SHOX: variants seen among roughly 807,000 people sequenced by gnomAD.
SHOX encodes short stature homeobox protein.
SHOX carries 12 observed loss-of-function variants against 29.6 expected under a neutral mutation model. The observed-to-expected ratio is 0.41, with a 90% CI of 0.26 to 0.66. The LOEUF is 0.66. Ranked by LOEUF, SHOX falls within the 30% of genes least tolerant of loss-of-function variation. The pLI is 0.35. For synonymous variants in SHOX, 214 were observed against 200.6 expected, an observed-to-expected ratio of 1.07 and a Z score of -0.57; for missense variants, 499 against 437.7, an observed-to-expected ratio of 1.14 and a Z score of -1.25.
chrX:636,723 T>TATAA lies in SHOX; in HGVS notation c.486+1898_486+1899insTAAA, dbSNP rs767545020. ...ATATATATATAAACATATATATACA[T>TATAA]AAAATATATATATAAACATATATAT... On this transcript the variant is annotated intron_variant, in intron 2 of 4. Transcript: ENST00000686671. Among the ~76,000 whole-genome samples, 41 of 9,852 alleles carry TATAA rather than the reference T, an allele frequency of 4.2e-3. 17 individuals are homozygous for TATAA. The highest frequency in any genetic ancestry group is 0.011 in the African/African-American group (41 of 3,652). The allele number at this position is 9,852 out of a possible 152,430, so 6.5% of individuals were successfully genotyped here.
upstream of SHOX, among the ~76,000 whole-genome samples, chrX:627,375 G>A (rs1366736672): frequency 1.3e-5 from 2 of 152,152 alleles, no homozygotes; most frequent in Non-Finnish European, 2.9e-5. Flanking sequence ...TAAAGGGAAG[G>A]GCAGGGAGAG....
chrX:644,451 C>G lies in SHOX; in HGVS notation c.694C>G (p.Leu232Val). ...AHAHPHLHPH[L>V]AAHAPYLMFP... Reference sequence around the variant, plus strand: ...CGCGCACCCGCACCTGCACCCGCACCTGGCGGCGCACGCGCCCTACCTGAT... The same window carrying G: ...CGCGCACCCGCACCTGCACCCGCACGTGGCGGCGCACGCGCCCTACCTGAT... Residue 232 changes from leucine to valine, a missense_variant, in exon 5 of 5, where the codon CTG becomes GTG. Leu to Val is a conservative substitution (Grantham distance 32, BLOSUM62 1). Transcript: ENST00000686671. 1.3e-6 allele frequency: 2 copies of G among 1,522,842 alleles called. No homozygotes were observed. Among genetic ancestry groups the G allele is most frequent in the Non-Finnish European group, 1.8e-6 (2 of 1,142,658 alleles). The allele number at this position is 1,522,842 out of a possible 1,614,324, so 94.3% of individuals were successfully genotyped here.
chrX:651,271 T>TA lies in SHOX; in HGVS notation c.*6636dup. ...GCGGCCCCCGCGTCCGGGTTACAAA[T>TA]ACATCTACAGATATTTTCAGGGATT... On this transcript the variant is annotated 3_prime_UTR_variant, in exon 5 of 5. Transcript: ENST00000686671. 2.2e-6 allele frequency: 1 copy of TA among 455,700 alleles called. No homozygotes were observed. Among genetic ancestry groups the TA allele is most frequent in the South Asian group, 1.6e-5 (1 of 64,442 alleles). The allele number at this position is 455,700 out of a possible 1,614,324, so 28.2% of individuals were successfully genotyped here. A position where few individuals can be genotyped will look rare whatever the true frequency, so the allele number is the denominator to read the frequency against.
At chrX:628,512 C>A (rs1177705079), upstream of SHOX, among the ~76,000 whole-genome samples, 1 of 88,894 alleles carries the variant, frequency 1.1e-5, no homozygotes, top group Non-Finnish European at 2.3e-5. Context: ...TCTGTCTCTC[C>A]CTGTCTGTTT....
chrX:642,533 C>G (rs539868450), intron 4 of SHOX, among the ~76,000 whole-genome samples: 2 of 152,200 alleles, frequency 1.3e-5, no homozygotes, highest in East Asian at 3.9e-4. Flanking sequence ...GGCCCAGGCC[C>G]GAAGGAGAGG....
At chrX:641,649 C>T (rs1425573064) in intron 4 of SHOX, among the ~76,000 whole-genome samples, 1 of 149,406 alleles carries the variant, frequency 6.7e-6, no homozygotes, top group African/African-American at 2.5e-5. Context: ...CACTGCACTC[C>T]ACTCTGGGTG....
chrX:630,595 C>A (rs1421336587), upstream of SHOX: 5 of 541,158 alleles, frequency 9.2e-6, no homozygotes, highest in Admixed American at 9.7e-5. Flanking sequence ...TCCCCCTTCG[C>A]ACCAAGGTGT....
chrX:629,860 TG>T (rs2052616472), upstream of SHOX, among the ~76,000 whole-genome samples: 1 of 152,188 alleles, frequency 6.6e-6, no homozygotes, highest in African/African-American at 2.4e-5. Flanking sequence ...CGGCTTCCCC[TG>T]AAGCACATTC....
upstream of SHOX, chrX:630,760 GTA>G: frequency 3.9e-5 from 44 of 1,121,552 alleles, no homozygotes; most frequent in Non-Finnish European, 5.6e-5. Context: ...AGGTCGCCGC[GTA>G]TAAATAGTGA....
upstream of SHOX, chrX:630,712 T>G: frequency 1.4e-6 from 1 of 707,370 alleles, no homozygotes; most frequent in Admixed American, 2.6e-5. Flanking sequence ...CGGAGACCAG[T>G]AATTGCACCA....
rs1168989193 is a variant in SHOX, at chrX:645,390, A to ATTTTTT, written c.*782_*787dup. ...GGGTCTGGTTTTGTTTTGGATTGGT[A>ATTTTTT]TTTTTTTTTTTTTTTTTTTTTTTTT... is the stretch of plus-strand genomic sequence containing the variant. On this transcript the variant is annotated 3_prime_UTR_variant, in exon 5 of 5. Transcript: ENST00000686671. 1.6e-3 allele frequency: 122 copies of ATTTTTT among 78,342 alleles called. 3 individuals are homozygous for ATTTTTT. The highest frequency in any genetic ancestry group is 3.3e-3 in the East Asian group (7 of 2,110). The allele number at this position is 78,342 out of a possible 1,614,324, so 4.9% of individuals were successfully genotyped here. A position where few individuals can be genotyped will look rare whatever the true frequency, so the allele number is the denominator to read the frequency against.
In SHOX at chrX:640,847, G is replaced by C; in HGVS notation, c.513G>C (p.Lys171Asn). Residue 171 changes from lysine (K) to asparagine (N), a missense_variant, in exon 3 of 5, where the codon AAG (lysine) becomes AAC (asparagine). Coordinates refer to ENST00000686671, the MANE Select transcript of SHOX (RefSeq NM_000451.4). ...VQVWFQNRRA[K>N]CRKQENQMHK... ...TTTGGTTCCAGAACCGGAGAGCCAAGTGCCGCAAACAAGAGAATCAGATGC... is the reference window on the plus strand; with the variant it reads ...TTTGGTTCCAGAACCGGAGAGCCAACTGCCGCAAACAAGAGAATCAGATGC... The C allele has an allele frequency of 6.2e-7, 1 of 1,613,896 alleles. No homozygotes were observed. Among genetic ancestry groups the C allele is most frequent in the Non-Finnish European group, 8.5e-7 (1 of 1,179,860 alleles).
rs752189039 is a variant in SHOX at position 641,001 on chromosome X, G to T, written c.547G>T (p.Val183Phe). ...RKQENQMHKG[V>F]ILGTANHLDA... ...ACACCTGCTCCCTTTGGACACAGGC[G>T]TCATCTTGGGCACAGCCAACCACCT... Residue 183 changes from valine (V) to phenylalanine (F), a missense_variant and splice_region_variant, in exon 4 of 5, where the codon GTC (valine) becomes TTC (phenylalanine). By Grantham distance (50) the Val-to-Phe change is conservative (BLOSUM62 -1). Transcript: ENST00000686671. 1.2e-6 allele frequency: 2 copies of T among 1,613,816 alleles called. No individual in the cohort carries two copies. Among genetic ancestry groups the T allele is most frequent in the South Asian group, 2.2e-5 (2 of 91,060 alleles).
At chrX:638,640 G>A (rs1404436228) in intron 2 of SHOX, among the ~76,000 whole-genome samples, 2 of 152,218 alleles carry the variant, frequency 1.3e-5, no homozygotes, top group African/African-American at 2.4e-5. Flanking sequence ...CCGAAAGCTG[G>A]GCTGGAAGCT....
At position 644,543 on chromosome X, in the gene SHOX, G is replaced by A. The variant is rs1356064038; in HGVS notation, c.786G>A (p.Val262=). The A allele has an allele frequency of 5.9e-6, 9 of 1,517,732 alleles. No homozygotes were observed. Among genetic ancestry groups the A allele is most frequent in the Non-Finnish European group, 7.0e-6 (8 of 1,139,536 alleles). 94.0% of individuals were successfully genotyped at this position (1,517,732 alleles called of 1,614,324 possible). The change falls in exon 5 of 5, where the codon GTG becomes GTA. Residue 262 remains valine, a synonymous_variant. Transcript: ENST00000686671. The stretch of plus-strand genomic sequence containing the variant: ...CCGAGTCCGCCTCGGCCGCCGCCGT[G>A]GTCGCCGCCGCCGCCAAAAGCAACA... ...SLAESASAAA[V]VAAAAKSNSK...
upstream of SHOX, among the ~76,000 whole-genome samples, chrX:626,789 C>A (rs2052546308): frequency 6.6e-6 from 1 of 151,050 alleles, no homozygotes; most frequent in South Asian, 2.1e-4. Flanking sequence ...TTCTCTGTCT[C>A]TGTATCTCTA....
intron 1 of SHOX, chrX:631,827 C>G (rs2052656081): frequency 4.5e-6 from 2 of 445,016 alleles, no homozygotes; most frequent in South Asian, 3.1e-5. Flanking sequence ...GCACCGCGCC[C>G]GGCCTGGGTC....
chrX:625,564 G>T (rs1351786758), intron 1 of SHOX, among the ~76,000 whole-genome samples: 2 of 148,060 alleles, frequency 1.4e-5, no homozygotes, highest in South Asian at 4.3e-4. Flanking sequence ...CTGTCTCTCT[G>T]TATCTCTGTC....
In SHOX at chrX:637,469, G is replaced by T. The variant is rs183073114; in HGVS notation, c.486+2643G>T. Among the ~76,000 whole-genome samples, 16 of 152,096 alleles carry T rather than the reference G, an allele frequency of 1.1e-4. No homozygotes were observed. The East Asian group carries it at 1.9e-3, about 18-fold the overall frequency. ...AGCTGCGGAAAATTGGTTGTGGGGTGTGTGCGGACCCCGAGAACGCCCTAA... is the reference window on the plus strand; with the variant it reads ...AGCTGCGGAAAATTGGTTGTGGGGTTTGTGCGGACCCCGAGAACGCCCTAA... On this transcript the variant is annotated intron_variant, in intron 2 of 4. Coordinates refer to ENST00000686671, the MANE Select transcript of SHOX (RefSeq NM_000451.4).
Sources: allele counts gnomAD v4.1 joint callset (sites outside exome capture counted in the v4.1 genomes callset), GRCh38; gene constraint gnomAD v4.1.1; transcripts MANE v1.5; gene names NCBI Gene and HGNC (gene_info 2026-07-23, HGNC 2026-07-21).